The following DIS3L2 variants were observed in gnomAD, a reference collection of about 807,000 sequenced individuals.
DIS3L2 encodes the protein DIS3 like 3'-5' exoribonuclease 2.
A neutral mutation model predicts 97.5 loss-of-function variants in DIS3L2; 34 were observed. The ratio of observed to expected loss-of-function variants is 0.35; its 90% CI spans 0.27 to 0.46. The LOEUF (loss-of-function observed/expected upper bound fraction) is 0.46, where lower values mean the gene tolerates loss of function less well. Among genes scored for constraint, DIS3L2 ranks in the 20% least tolerant of loss-of-function variants. DIS3L2 has a pLI of 1.00. For synonymous variants in DIS3L2, 435 were observed against 445.2 expected (o/e 0.98, Z 0.29); for missense variants, 1,038 against 1,146.0 (o/e 0.91, Z 1.36).
At chr2:232,207,561 A>C (rs932990806) in intron 9 of DIS3L2, among the ~76,000 whole-genome samples, 50 of 152,270 alleles carry the variant, frequency 3.3e-4, no homozygotes, top group South Asian at 4.1e-4. Context: ...TGAGGCTTCA[A>C]CCTTCATGTT....
In DIS3L2 at chr2:232,076,225, T is replaced by C. The variant is rs116381212; in HGVS notation, c.367-11262T>C. Among the ~76,000 whole-genome samples, 1,064 of 152,370 alleles carry C rather than the reference T, an allele frequency of 7.0e-3. 7 individuals are homozygous for C. Among genetic ancestry groups the C allele is most frequent in the South Asian group, 0.017 (82 of 4,832 alleles). ...TTGCATTTTCTTATCTCTTTGCTTT[T>C]CCATATGTTCTTTCTCAGCTTAGAT... On this transcript the variant is annotated intron_variant, in intron 5 of 20. Coordinates refer to ENST00000325385, the MANE Select transcript of DIS3L2 (RefSeq NM_152383.5).
In DIS3L2 at chr2:232,115,025, C is replaced by T. The variant is rs542981930; in HGVS notation, c.602-15594C>T. On this transcript the variant is annotated intron_variant, in intron 6 of 20. Coordinates refer to ENST00000325385, the MANE Select transcript of DIS3L2 (RefSeq NM_152383.5). ...GAATGTGTTAGCTCAGGTCTCTCTTCCTCTTCTTATAAAGCCACCAGTTCC... is the reference window on the plus strand; with the variant it reads ...GAATGTGTTAGCTCAGGTCTCTCTTTCTCTTCTTATAAAGCCACCAGTTCC... Among the ~76,000 whole-genome samples, 6 of 152,194 alleles carry T rather than the reference C, an allele frequency of 3.9e-5. No homozygotes were observed. In the South Asian group the frequency reaches 1.0e-3, roughly 26 times the overall value.
intron 16 of DIS3L2, among the ~76,000 whole-genome samples, chr2:232,331,276 T>C (rs575858854): frequency 1.4e-4 from 21 of 152,308 alleles, no homozygotes; most frequent in South Asian, 1.2e-3. Context: ...GGGATGCCTG[T>C]CACAGCGCCC....
rs752623866 is a variant in DIS3L2, at chr2:232,343,370, C to G, written c.1607C>G (p.Ala536Gly). The change falls in exon 14 of 14, where the codon GCC becomes GGC. Residue 536 changes from alanine to glycine, a missense_variant. By Grantham distance (60) the Ala-to-Gly change is moderately conservative. Transcript: ENST00000273009. ...CAGAACGCAGACAAGGATGGGGCTG[C>G]CCATCTTCAGGCCTCTCACAGCCCC... The G allele has an allele frequency of 3.6e-5, 56 of 1,556,562 alleles. 1 individual carries two copies. In the South Asian group the frequency reaches 5.8e-4, roughly 16 times the overall value.
chr2:232,247,977 T>C (rs966063403), intron 11 of DIS3L2, among the ~76,000 whole-genome samples: 1 of 152,228 alleles, frequency 6.6e-6, no homozygotes, highest in African/African-American at 2.4e-5. Flanking sequence ...ACCAGAGTTA[T>C]CAGGTAGTCA....
chr2:232,321,652 C>A (rs2106339995), intron 14 of DIS3L2, among the ~76,000 whole-genome samples: 1 of 152,338 alleles, frequency 6.6e-6, no homozygotes, highest in South Asian at 2.1e-4. Flanking sequence ...CCTGCTCAGC[C>A]CTGGGCGACT....
chr2:232,182,426 G>T (rs1574930777), intron 9 of DIS3L2, among the ~76,000 whole-genome samples: 3 of 152,124 alleles, frequency 2.0e-5, no homozygotes, highest in Admixed American at 2.0e-4. Flanking sequence ...GTAGATATCT[G>T]TTAGATCTAA....
At chr2:232,334,042 C>T in intron 17 of DIS3L2, 55 bp downstream of exon 17, 3 of 1,558,796 alleles carry the variant, frequency 1.9e-6, no homozygotes, top group Non-Finnish European at 2.6e-6. Context: ...GGCTGCCCAC[C>T]CCCACAGTGG....
chr2:232,002,147 G>A (rs936357205), intron 1 of DIS3L2, among the ~76,000 whole-genome samples: 1 of 152,048 alleles, frequency 6.6e-6, no homozygotes, highest in African/African-American at 2.4e-5. Context: ...TCCCCACTAC[G>A]TATTCTTGGC....
chr2:232,102,993 A>T (rs924153066), intron 6 of DIS3L2, among the ~76,000 whole-genome samples: 70 of 152,302 alleles, frequency 4.6e-4, no homozygotes, highest in African/African-American at 1.5e-3. Context: ...AAGATTTTTA[A>T]CTTATTTGAG....
chr2:232,094,732 A>AAAAAG (rs1553606812), intron 6 of DIS3L2, among the ~76,000 whole-genome samples: 1 of 150,602 alleles, frequency 6.6e-6, no homozygotes, highest in African/African-American at 2.4e-5. Context: ...AAAAAAAAAA[A>AAAAAG]AAAGAAAGAA....
At chr2:232,054,390 T>C (rs1695488953) in intron 5 of DIS3L2, among the ~76,000 whole-genome samples, 1 of 152,208 alleles carries the variant, frequency 6.6e-6, no homozygotes, top group Non-Finnish European at 1.5e-5. Context: ...TTAAGAACCA[T>C]AGAAGATTTA....
At chr2:232,324,316 C>T (rs1213181464) in intron 14 of DIS3L2, among the ~76,000 whole-genome samples, 1 of 152,160 alleles carries the variant, frequency 6.6e-6, no homozygotes, top group Non-Finnish European at 1.5e-5. Context: ...ATCAAAGCCA[C>T]GTTAGCAGTT....
chr2:232,016,000 G>A lies in DIS3L2; in HGVS notation c.210+329G>A, dbSNP rs116470584. On this transcript the variant is annotated intron_variant, in intron 3 of 20. Transcript: ENST00000325385. The stretch of plus-strand genomic sequence containing the variant: ...CAGGCCATGGATTGGTGCAGTTTGA[G>A]TAAGTGAAGATAAGAGAGAGCTTTA... 572 of 189,302 alleles carry A rather than the reference G, an allele frequency of 3.0e-3. 1 individual carries two copies. Among genetic ancestry groups the A allele is most frequent in the Non-Finnish European group, 4.2e-3 (382 of 90,564 alleles). The allele number at this position is 189,302 out of a possible 1,614,324, so 11.7% of individuals were successfully genotyped here. A position where few individuals can be genotyped will look rare whatever the true frequency, so the allele number is the denominator to read the frequency against.
At chr2:232,324,565 G>T (rs1388375017) in intron 14 of DIS3L2, among the ~76,000 whole-genome samples, 1 of 152,192 alleles carries the variant, frequency 6.6e-6, no homozygotes, top group Non-Finnish European at 1.5e-5. Context: ...TGAGGAAGGG[G>T]TGAGGTGAGT....
chr2:232,279,023 C>T (rs556172068), intron 13 of DIS3L2, among the ~76,000 whole-genome samples: 84 of 152,128 alleles, frequency 5.5e-4, no homozygotes, highest in East Asian at 3.9e-4. Flanking sequence ...CTGCAACCTC[C>T]GCCTCCTGGG....
intron 13 of DIS3L2, among the ~76,000 whole-genome samples, chr2:232,279,530 GTT>G (rs1694228986): frequency 6.6e-6 from 1 of 151,502 alleles, no homozygotes; most frequent in Non-Finnish European, 1.5e-5. Flanking sequence ...TTGTTTGTTT[GTT>G]TGTTTGTTTG....
At chr2:232,199,529 A>G (rs1354133221) in intron 9 of DIS3L2, among the ~76,000 whole-genome samples, 1 of 152,158 alleles carries the variant, frequency 6.6e-6, no homozygotes, top group East Asian at 1.9e-4. Flanking sequence ...TAAGATTTGG[A>G]GTAGGGTAAC....
intron 6 of DIS3L2, among the ~76,000 whole-genome samples, chr2:232,096,196 C>T (rs1269643094): frequency 6.6e-6 from 1 of 151,710 alleles, no homozygotes; most frequent in Non-Finnish European, 1.5e-5. Context: ...ATGCCATTCT[C>T]CTGCCTCGGC....
Sources: gnomAD v4.1 joint callset for allele counts (sites outside exome capture counted in the v4.1 genomes callset) on GRCh38, gnomAD v4.1.1 for gene constraint, MANE v1.5 for transcripts, NCBI Gene and HGNC (gene_info 2026-07-23, HGNC 2026-07-21) for gene names.